Variants in ABHD12 observed in about 807,000 individuals in gnomAD.
The protein encoded by ABHD12 is lysophosphatidylserine lipase ABHD12.
ABHD12 carries 43 observed loss-of-function variants against 58.3 expected under a neutral mutation model. The observed-to-expected ratio is 0.74, with a 90% confidence interval of 0.58 to 0.95. The LOEUF (loss-of-function observed/expected upper bound fraction) is 0.95. ABHD12 is among the 40% of genes least tolerant of loss of function. ABHD12 has a pLI of 0.00. For missense variants in ABHD12, 539 were observed against 537.2 expected (o/e 1.00, Z -0.03); for synonymous variants, 219 against 211.2 (o/e 1.04, Z -0.32).
chr20:25,368,747 A>T (rs1207936093), intron 1 of ABHD12: 1 of 1,051,780 alleles, frequency 9.5e-7, no homozygotes, highest in Non-Finnish European at 1.5e-6. Flanking sequence ...GCAATGTTGA[A>T]GAACAGTGGG....
intron 6 of ABHD12, among the ~76,000 whole-genome samples, chr20:25,314,139 A>G (rs2088916832): frequency 6.6e-6 from 1 of 151,848 alleles, no homozygotes; most frequent in Non-Finnish European, 1.5e-5. Flanking sequence ...CGCCCGGTTA[A>G]TTTTTGTATT....
chr20:25,343,608 C>T (rs572742109), intron 1 of ABHD12, among the ~76,000 whole-genome samples: 2 of 152,236 alleles, frequency 1.3e-5, no homozygotes, highest in East Asian at 1.9e-4. Context: ...AGTTCAAGAC[C>T]ACCTGGCCAA....
chr20:25,295,802 T>C, downstream of ABHD12: 8 of 1,020,190 alleles, frequency 7.8e-6, no homozygotes, highest in Non-Finnish European at 1.1e-5. Context: ...TTCTGATCTG[T>C]CATCAGTCGG....
intron 11 of ABHD12, chr20:25,303,197 A>G: frequency 8.4e-7 from 1 of 1,190,616 alleles, no homozygotes; most frequent in Non-Finnish European, 1.1e-6. Context: ...ATAACTGATG[A>G]GCCCTTCCAG....
intron 1 of ABHD12, among the ~76,000 whole-genome samples, chr20:25,376,209 T>C (rs2089961274): frequency 6.6e-6 from 1 of 152,216 alleles, no homozygotes; most frequent in South Asian, 2.1e-4. Flanking sequence ...TGAGGAAAAG[T>C]GTTTTATCAT....
intron 9 of ABHD12, 146 bp from the exon 10 acceptor site, chr20:25,307,061 G>A (rs1292715167): frequency 1.5e-6 from 1 of 686,170 alleles, no homozygotes; most frequent in South Asian, 1.5e-5. Flanking sequence ...CATTGCCAAG[G>A]GGCCACCAGA....
At chr20:25,300,183 T>C, downstream of ABHD12, 3 of 992,070 alleles carry the variant, frequency 3.0e-6, no homozygotes, top group Non-Finnish European at 3.6e-6. Flanking sequence ...GAGGCAACAT[T>C]GACCCTTCTC....
chr20:25,331,669 G>A (rs1354222192), intron 2 of ABHD12, among the ~76,000 whole-genome samples: 2 of 152,232 alleles, frequency 1.3e-5, no homozygotes, highest in African/African-American at 4.8e-5. Context: ...TTAAAGAAAA[G>A]AATTTTCAAC....
intron 2 of ABHD12, among the ~76,000 whole-genome samples, chr20:25,332,122 A>T (rs1206282197): frequency 6.6e-6 from 1 of 152,042 alleles, no homozygotes; most frequent in Non-Finnish European, 1.5e-5. Flanking sequence ...TCTACCAAGC[A>T]AATGGAAAAC....
At chr20:25,350,988 CACACACACACACACACACACA>C (rs2089592137) in intron 1 of ABHD12, among the ~76,000 whole-genome samples, 3 of 145,354 alleles carry the variant, frequency 2.1e-5, no homozygotes, top group Admixed American at 6.7e-5. Context: ...CACACACACA[CACACACACACACACACACACA>C]CCCTTATTAA....
At chr20:25,350,305 G>T (rs2146060747) in intron 1 of ABHD12, among the ~76,000 whole-genome samples, 1 of 152,316 alleles carries the variant, frequency 6.6e-6, no homozygotes, top group African/African-American at 2.4e-5. Context: ...TAAAAAAATA[G>T]TTGTCGTGTT....
intron 1 of ABHD12, 70 bp downstream of exon 1, chr20:25,390,443 C>A (rs887307002): frequency 1.5e-6 from 2 of 1,342,216 alleles, no homozygotes; most frequent in East Asian, 3.6e-5. Flanking sequence ...ACCGCGGCCC[C>A]CTGCGGGACG....
intron 2 of ABHD12, among the ~76,000 whole-genome samples, chr20:25,330,940 A>G (rs1166866970): frequency 6.6e-6 from 1 of 152,238 alleles, no homozygotes; most frequent in Non-Finnish European, 1.5e-5. Context: ...GTTCCTCACC[A>G]GCAACGGAAC....
chr20:25,362,567 A>T, intron 1 of ABHD12, among the ~76,000 whole-genome samples: 1 of 140,682 alleles, frequency 7.1e-6, no homozygotes, highest in Non-Finnish European at 1.5e-5. Flanking sequence ...CTCTGTCTCA[A>T]AAAGAGACAG....
At chr20:25,363,766 G>A (rs376386728) in intron 1 of ABHD12, among the ~76,000 whole-genome samples, 17 of 152,104 alleles carry the variant, frequency 1.1e-4, no homozygotes, top group Non-Finnish European at 2.4e-4. Flanking sequence ...TTGGGAGGCT[G>A]AGGCAGCAGA....
At chr20:25,313,628 T>TAAAATAAAATAAAATA (rs1449400134) in intron 6 of ABHD12, among the ~76,000 whole-genome samples, 9 of 150,424 alleles carry the variant, frequency 6.0e-5, no homozygotes, top group Admixed American at 4.0e-4. Flanking sequence ...TAAAATAAAA[T>TAAAATAAAATAAAATA]AACATTAGCC....
At chr20:25,373,906 GT>G (rs1676435121) in intron 1 of ABHD12, among the ~76,000 whole-genome samples, 1 of 152,022 alleles carries the variant, frequency 6.6e-6, no homozygotes, top group African/African-American at 2.4e-5. Context: ...ACCTGAAGTT[GT>G]CCCATAGCAT....
chr20:25,304,847 G>T (rs1049995972), intron 10 of ABHD12, among the ~76,000 whole-genome samples: 13 of 152,138 alleles, frequency 8.5e-5, no homozygotes, highest in South Asian at 2.1e-4. Context: ...GATTACAGTG[G>T]TGAGCCACCA....
At chr20:25,296,810 G>C (rs903352304), downstream of ABHD12, 7 of 423,366 alleles carry the variant, frequency 1.7e-5, no homozygotes, top group East Asian at 1.9e-4. Context: ...GAGTCAGGTG[G>C]AGCCACCTGC....
Sources: allele counts gnomAD v4.1 joint callset (sites outside exome capture counted in the v4.1 genomes callset), GRCh38; gene constraint gnomAD v4.1.1; transcripts MANE v1.5; gene names NCBI Gene and HGNC (gene_info 2026-07-23, HGNC 2026-07-21).